The following GREB1 variants were observed in gnomAD, a reference collection of about 807,000 sequenced individuals.
The protein encoded by GREB1 is protein GREB1.
GREB1 carries 106 observed loss-of-function variants against 200.7 expected under a neutral mutation model. That is an observed-to-expected ratio of 0.53 (90% CI 0.45 to 0.62). The LOEUF (loss-of-function observed/expected upper bound fraction) is 0.62. Among genes scored for constraint, GREB1 ranks in the 20% least tolerant of loss-of-function variants. The probability of loss-of-function intolerance (pLI) is 0.00; values close to 1 mark genes in which losing one functional copy is unlikely to be tolerated. For missense variants in GREB1, 2,243 were observed against 2,556.8 expected, an observed-to-expected ratio of 0.88 and a Z score of 2.65; for synonymous variants, 1,132 against 1,092.4, an observed-to-expected ratio of 1.04 and a Z score of -0.72.
At chr2:11,610,104 A>T (rs1442347155) in intron 17 of GREB1, among the ~76,000 whole-genome samples, 1 of 152,218 alleles carries the variant, frequency 6.6e-6, no homozygotes, top group African/African-American at 2.4e-5. Flanking sequence ...ACAGATAGTA[A>T]CCACAGTTTC....
At chr2:11,502,870 A>G (rs561109840) in intron 1 of GREB1, among the ~76,000 whole-genome samples, 62 of 152,192 alleles carry the variant, frequency 4.1e-4, no homozygotes, top group Non-Finnish European at 7.5e-4. Flanking sequence ...TTGCTGTCTC[A>G]TGGTTGAGGA....
At chr2:11,625,049 G>A (rs1684328628) in intron 23 of GREB1, 105 bp from the exon 24 acceptor site, 2 of 890,276 alleles carry the variant, frequency 2.2e-6, no homozygotes. Context: ...AGAATCGCCT[G>A]ATGTCGCATT....
At chr2:11,539,021 C>CTCTTCTCTTCTCT (rs1176045850) in intron 1 of GREB1, among the ~76,000 whole-genome samples, 1 of 24,836 alleles carries the variant, frequency 4.0e-5, no homozygotes, top group African/African-American at 6.4e-5. Flanking sequence ...CTCCTCCCTT[C>CTCTTCTCTTCTCT]TCTTCTCTTC....
chr2:11,588,638 C>CG (rs1558593281), intron 9 of GREB1, 108 bp from the exon 10 acceptor site: 2 of 1,007,948 alleles, frequency 2.0e-6, no homozygotes, highest in South Asian at 2.6e-5. Context: ...AGGGACCTGG[C>CG]GCAGCTCACC....
intron 24 of GREB1, among the ~76,000 whole-genome samples, chr2:11,626,325 C>T (rs1341297371): frequency 1.3e-5 from 2 of 152,016 alleles, no homozygotes; most frequent in African/African-American, 2.4e-5. Flanking sequence ...TGGTGGCTCA[C>T]GCCTGTAATC....
Position 11,618,902 on chromosome 2 carries a change from C to T in GREB1, c.4027C>T (p.Leu1343Phe), listed in dbSNP as rs1436997476. Residue 1343 changes from leucine (L) to phenylalanine (F), a missense_variant, in exon 22 of 33, where the codon CTC (leucine) becomes TTC (phenylalanine). Around this residue, in one of 3 missense-constraint regions of GREB1, gnomAD observed 587 missense variants for 553.1 expected, o/e 1.06. Coordinates refer to ENST00000381486, the MANE Select transcript of GREB1 (RefSeq NM_014668.4). Reference protein sequence around the residue: ...VDGFHPRRLLLSGPPQIGKTG... With the variant: ...VDGFHPRRLLFSGPPQIGKTG... ...CGGCTTCCACCCCCGCAGGCTGCTG[C>T]TCAGCGGCCCCCCTCAGGTGAGTGT... is the stretch of plus-strand genomic sequence containing the variant. The T allele has an allele frequency of 6.5e-7, 1 of 1,531,358 alleles. No homozygotes were observed. The allele number at this position is 1,531,358 out of a possible 1,614,324, so 94.9% of individuals were successfully genotyped here. A position where few individuals can be genotyped will look rare whatever the true frequency, so the allele number is the denominator to read the frequency against.
rs150696804 is a variant in GREB1, at chr2:11,602,441, C to T, written c.2565C>T (p.Phe855=). 3.2e-4 allele frequency: 518 copies of T among 1,612,946 alleles called. 2 individuals carry two copies. The East Asian group carries it at 9.5e-3, about 29-fold the overall frequency. The part of the protein sequence containing the change: ...VDLYHENKKY[F]GLSEFIESTL... ...TATATCATGAAAATAAGAAGTACTTCGGGCTGTCGGAGTTTATTGAATCCA... is the reference window on the plus strand; with the variant it reads ...TATATCATGAAAATAAGAAGTACTTTGGGCTGTCGGAGTTTATTGAATCCA... Residue 855 remains phenylalanine (F), a synonymous_variant, in exon 17 of 33, where the codon TTC becomes TTT. Transcript: ENST00000381486.
chr2:11,510,206 A>G (rs1673310952), intron 1 of GREB1, among the ~76,000 whole-genome samples: 1 of 152,214 alleles, frequency 6.6e-6, no homozygotes, highest in South Asian at 2.1e-4. Flanking sequence ...AATTTGATAT[A>G]GGGACTGGAT....
chr2:11,632,599 A>G (rs539202613), intron 27 of GREB1, among the ~76,000 whole-genome samples: 1 of 152,238 alleles, frequency 6.6e-6, no homozygotes, highest in South Asian at 2.1e-4. Context: ...CGGCCCCCCA[A>G]ACTGCTGGGA....
chr2:11,573,024 G>A (rs189219875), intron 4 of GREB1, among the ~76,000 whole-genome samples: 1 of 152,314 alleles, frequency 6.6e-6, no homozygotes, highest in Admixed American at 6.5e-5. Flanking sequence ...TGAAGCCGCT[G>A]TTGTCGGCTT....
At chr2:11,526,556 C>CTTT (rs369267814) in intron 1 of GREB1, among the ~76,000 whole-genome samples, 1 of 138,276 alleles carries the variant, frequency 7.2e-6, no homozygotes, top group African/African-American at 2.6e-5. Context: ...ACTTTAAATC[C>CTTT]TTTTTTTTTT....
chr2:11,606,403 A>G (rs747084675), intron 17 of GREB1, among the ~76,000 whole-genome samples: 9 of 152,184 alleles, frequency 5.9e-5, no homozygotes, highest in Non-Finnish European at 7.4e-5. Flanking sequence ...TCGTAATTTT[A>G]ATTTTAATTT....
intron 4 of GREB1, among the ~76,000 whole-genome samples, chr2:11,568,986 C>T (rs901223143): frequency 1.6e-4 from 24 of 152,202 alleles, no homozygotes; most frequent in Non-Finnish European, 3.2e-4. Context: ...AGCGGCAGGG[C>T]TCAGTGCTTT....
intron 1 of GREB1, among the ~76,000 whole-genome samples, chr2:11,519,240 A>G (rs1335400728): frequency 6.6e-6 from 1 of 152,092 alleles, no homozygotes; most frequent in Admixed American, 6.5e-5. Flanking sequence ...ATTTAGATAG[A>G]CATCGTTACC....
intron 1 of GREB1, among the ~76,000 whole-genome samples, chr2:11,538,089 C>T (rs909381154): frequency 2.6e-5 from 4 of 152,164 alleles, no homozygotes; most frequent in Admixed American, 6.5e-5. Context: ...AGTGTGCCTC[C>T]CCAACGAGTA....
intron 10 of GREB1, chr2:11,592,058 C>G: frequency 1.0e-6 from 1 of 975,304 alleles, no homozygotes; most frequent in Non-Finnish European, 1.2e-6. Context: ...TACACATTTA[C>G]CACTGTATAT....
At chr2:11,588,689 A>G (rs1225303992) in intron 9 of GREB1, 57 bp from the exon 10 acceptor site, 12 of 1,492,064 alleles carry the variant, frequency 8.0e-6, no homozygotes, top group African/African-American at 1.4e-5. Context: ...ACCCACATGT[A>G]TGGGACCGTA....
At chr2:11,627,450 T>C (rs1227416912) in intron 25 of GREB1, among the ~76,000 whole-genome samples, 1 of 152,216 alleles carries the variant, frequency 6.6e-6, no homozygotes, top group Non-Finnish European at 1.5e-5. Flanking sequence ...CTGAATCAAC[T>C]CTGTCCCCAT....
At chr2:11,544,330 C>T (rs920008028) in intron 1 of GREB1, among the ~76,000 whole-genome samples, 4 of 152,082 alleles carry the variant, frequency 2.6e-5, no homozygotes, top group Non-Finnish European at 5.9e-5. Flanking sequence ...CATTCTCCTG[C>T]CTCAGTATAC....
Sources: gnomAD v4.1 joint callset for allele counts (sites outside exome capture counted in the v4.1 genomes callset) on GRCh38, gnomAD v4.1.1 for gene constraint, gnomAD v4.1.1 regional missense constraint, MANE v1.5 for transcripts, NCBI Gene and HGNC (gene_info 2026-07-23, HGNC 2026-07-21) for gene names.